Variants in TMEM268 observed in about 807,000 individuals in gnomAD.
TMEM268 encodes transmembrane protein C9orf91.
In TMEM268, 24 loss-of-function variants were observed where a neutral mutation model predicts 39.1. The observed-to-expected ratio is 0.61, with a 90% CI of 0.44 to 0.86. The LOEUF (loss-of-function observed/expected upper bound fraction) is 0.86, where lower values mean the gene tolerates loss of function less well. Among genes scored for constraint, TMEM268 ranks in the 40% least tolerant of loss-of-function variants. The pLI is 0.00. For missense variants in TMEM268, 409 were observed against 428.6 expected (o/e 0.95, Z 0.40); for synonymous variants, 176 against 173.5 (o/e 1.01, Z -0.12).
chr9:114,615,854 C>A (rs1456199056), intron 1 of TMEM268, among the ~76,000 whole-genome samples: 6 of 148,078 alleles, frequency 4.1e-5, no homozygotes, highest in Admixed American at 4.0e-4. Flanking sequence ...CATGCCTGGC[C>A]TAATTTTTGT....
At chr9:114,619,725 A>G (rs964486399) in intron 2 of TMEM268, among the ~76,000 whole-genome samples, 91 of 152,116 alleles carry the variant, frequency 6.0e-4, no homozygotes, top group South Asian at 1.5e-3. Flanking sequence ...TCACTTTTCA[A>G]AGGCTCAGTT....
upstream of TMEM268, among the ~76,000 whole-genome samples, chr9:114,611,009 T>C (rs1198952724): frequency 3.9e-5 from 6 of 152,136 alleles, no homozygotes; most frequent in Non-Finnish European, 7.4e-5. Context: ...TCGCTTGAGG[T>C]CAGGAGTCCG....
rs1827521910 is a variant in TMEM268 at position 114,645,148 on chromosome 9, C to G, written c.*1835C>G. 1 of 152,390 alleles carries G rather than the reference C, an allele frequency of 6.6e-6. No homozygotes were observed. The highest frequency in any genetic ancestry group is 1.5e-5 in the Non-Finnish European group (1 of 68,104). The allele number at this position is 152,390 out of a possible 1,614,324, so 9.4% of individuals were successfully genotyped here. A position where few individuals can be genotyped will look rare whatever the true frequency, so the allele number is the denominator to read the frequency against. ...GGACCAAAGTTCTGGGAATTTCTAG[C>G]TTATTCTGCCCCCTCATAGCCCTTG... On this transcript the variant is annotated 3_prime_UTR_variant, in exon 9 of 9. Transcript: ENST00000288502.
At position 114,624,328 on chromosome 9, in the gene TMEM268, GAA is replaced by G; in HGVS notation, c.107-21_107-20del. ...TGGTATGGTTATCACTCAGCCAGAT[GAA>G]GCTTCTGGTCTGCTTCCAGAGCTCC... On this transcript the variant is annotated intron_variant, in intron 2 of 8. Coordinates refer to ENST00000288502, the MANE Select transcript of TMEM268 (RefSeq NM_153045.4). 6.3e-7 allele frequency: 1 copy of G among 1,577,170 alleles called. No homozygotes were observed. The highest frequency in any genetic ancestry group is 8.6e-7 in the Non-Finnish European group (1 of 1,159,382).
chr9:114,632,012 G>C (rs1846420699), intron 5 of TMEM268, among the ~76,000 whole-genome samples: 1 of 149,560 alleles, frequency 6.7e-6, no homozygotes, highest in African/African-American at 2.5e-5. Flanking sequence ...GAGGTAGGAA[G>C]ATCTGAGCTC....
At chr9:114,608,447 G>A (rs923395065), upstream of TMEM268, among the ~76,000 whole-genome samples, 12 of 152,318 alleles carry the variant, frequency 7.9e-5, no homozygotes, top group African/African-American at 2.9e-4. Context: ...GGAGATTGAT[G>A]TGTCAGCACT....
rs1665310373 is a variant in TMEM268 at position 114,646,383 on chromosome 9, C to A, written c.*3070C>A. 2 of 152,328 alleles carry A rather than the reference C, an allele frequency of 1.3e-5. No individual in the cohort carries two copies. Among genetic ancestry groups the A allele is most frequent in the South Asian group, 2.1e-4 (1 of 4,816 alleles). 9.4% of individuals were successfully genotyped at this position (152,328 alleles called of 1,614,324 possible). On this transcript the variant is annotated 3_prime_UTR_variant, in exon 9 of 9. Transcript: ENST00000288502. Reference sequence around the variant, plus strand: ...GTCAAGTGCTTGCAACTTTGAATACCAAACTTGAGTGAAAGCTCAATAAAT... The same window carrying A: ...GTCAAGTGCTTGCAACTTTGAATACAAAACTTGAGTGAAAGCTCAATAAAT...
At chr9:114,616,973 G>T in intron 1 of TMEM268, 145 bp from the exon 2 acceptor site, 1 of 470,244 alleles carries the variant, frequency 2.1e-6, no homozygotes, top group Non-Finnish European at 3.8e-6. Flanking sequence ...ATTTTTCTCA[G>T]CATGTTCAAA....
At chr9:114,612,471 G>A (rs1256738505) in intron 1 of TMEM268, among the ~76,000 whole-genome samples, 3 of 152,172 alleles carry the variant, frequency 2.0e-5, no homozygotes, top group African/African-American at 4.8e-5. Context: ...GTTATCCTCG[G>A]GCTGGTGCAG....
At chr9:114,606,397 T>C (rs773780373), upstream of TMEM268, among the ~76,000 whole-genome samples, 4 of 152,290 alleles carry the variant, frequency 2.6e-5, no homozygotes, top group Non-Finnish European at 5.9e-5. Flanking sequence ...AGTCCCAAGC[T>C]CTCACGTACA....
At chr9:114,642,098 A>T (rs1443802806) in intron 8 of TMEM268, among the ~76,000 whole-genome samples, 1 of 152,316 alleles carries the variant, frequency 6.6e-6, no homozygotes. Flanking sequence ...GTACATTCAC[A>T]TCGTTATGCA....
At chr9:114,637,105 C>A in intron 7 of TMEM268, 35 bp downstream of exon 7, 2 of 1,372,826 alleles carry the variant, frequency 1.5e-6, no homozygotes, top group Non-Finnish European at 2.1e-6. Flanking sequence ...AAAACAAAAA[C>A]CAGGAGGCCA....
intron 2 of TMEM268, among the ~76,000 whole-genome samples, chr9:114,621,543 A>G (rs1845946273): frequency 6.6e-6 from 1 of 152,192 alleles, no homozygotes. Flanking sequence ...ATAATTGCAT[A>G]CATAGGTATT....
In TMEM268 at chr9:114,644,746, T is replaced by G. The variant is rs1265137330; in HGVS notation, c.*1433T>G. On this transcript the variant is annotated 3_prime_UTR_variant, in exon 9 of 9. Transcript: ENST00000288502. ...GCTGTGTAATTTTTGGCAAGTTGCT[T>G]TCTTTGCCTGGTCCTCAGTTTGCCC... 1 of 152,182 alleles carries G rather than the reference T, an allele frequency of 6.6e-6. No individual in the cohort carries two copies. The highest frequency in any genetic ancestry group is 1.9e-4 in the East Asian group (1 of 5,190). 9.4% of individuals were successfully genotyped at this position (152,182 alleles called of 1,614,324 possible).
intron 3 of TMEM268, among the ~76,000 whole-genome samples, chr9:114,626,205 C>T (rs1846153680): frequency 6.6e-6 from 1 of 152,138 alleles, no homozygotes; most frequent in Admixed American, 6.5e-5. Context: ...TCAAGCAGTC[C>T]ACCTGCCTTG....
chr9:114,610,012 G>A (rs946108532), upstream of TMEM268, among the ~76,000 whole-genome samples: 10 of 151,594 alleles, frequency 6.6e-5, no homozygotes, highest in African/African-American at 1.9e-4. Context: ...TTTCTATTAG[G>A]TTGGTGCAAA....
the TMEM268 span, among the ~76,000 whole-genome samples, chr9:114,605,846 G>A: frequency 6.6e-6 from 1 of 152,164 alleles, no homozygotes; most frequent in Admixed American, 6.5e-5. Flanking sequence ...CAGGAGGATC[G>A]CTTGAACCTG....
At chr9:114,604,871 C>T in the TMEM268 span, among the ~76,000 whole-genome samples, 1 of 152,104 alleles carries the variant, frequency 6.6e-6, no homozygotes, top group African/African-American at 2.4e-5. Flanking sequence ...AAGCTGAGGC[C>T]CAGAGGCTTA....
Position 114,643,970 on chromosome 9 carries a change from G to A in TMEM268, c.*657G>A, listed in dbSNP as rs2133733798. 2 of 152,380 alleles carry A rather than the reference G, an allele frequency of 1.3e-5. No homozygotes were observed. The highest frequency in any genetic ancestry group is 4.1e-4 in the South Asian group (2 of 4,830). The allele number at this position is 152,380 out of a possible 1,614,324, so 9.4% of individuals were successfully genotyped here. ...AGAAAGAGATCAAGGGCAGATAACT[G>A]TTGATAGGAATATTTGAGAAAGATT... On this transcript the variant is annotated 3_prime_UTR_variant, in exon 9 of 9. Coordinates refer to ENST00000288502, the MANE Select transcript of TMEM268 (RefSeq NM_153045.4).
Sources: allele counts gnomAD v4.1 joint callset (sites outside exome capture counted in the v4.1 genomes callset), GRCh38; gene constraint gnomAD v4.1.1; transcripts MANE v1.5; gene names NCBI Gene and HGNC (gene_info 2026-07-23, HGNC 2026-07-21).